The following TMEM70 variants were observed in gnomAD, a reference collection of about 807,000 sequenced individuals.
TMEM70 encodes the protein transmembrane protein 70, also known as transmembrane protein 70, mitochondrial.
A neutral mutation model predicts 20.5 loss-of-function variants in TMEM70; 15 were observed. The ratio of observed to expected loss-of-function variants is 0.73; its 90% CI spans 0.49 to 1.13. The LOEUF is 1.13. Ranked by LOEUF, TMEM70 falls within the 50% of genes most tolerant of loss-of-function variation. The probability of loss-of-function intolerance (pLI) is 0.00; values close to 1 mark genes in which losing one functional copy is unlikely to be tolerated. For synonymous variants in TMEM70, 141 were observed against 134.2 expected, an observed-to-expected ratio of 1.05 and a Z score of -0.35; for missense variants, 344 against 331.7, an observed-to-expected ratio of 1.04 and a Z score of -0.29.
At position 73,982,745 on chromosome 8, in the gene TMEM70, G is replaced by A. The variant is rs189568279; in HGVS notation, c.*1124G>A. 2 of 454,268 alleles carry A rather than the reference G, an allele frequency of 4.4e-6. No individual in the cohort carries two copies. The highest frequency in any genetic ancestry group is 1.6e-5 in the South Asian group (1 of 64,398). 28.1% of individuals were successfully genotyped at this position (454,268 alleles called of 1,614,324 possible). A position where few individuals can be genotyped will look rare whatever the true frequency, so the allele number is the denominator to read the frequency against. ...ACTCCTCCCTTGGTGGCACCCTATG[G>A]GTGTAGGAAAACCACTGTTATTAAA... On this transcript the variant is annotated 3_prime_UTR_variant, in exon 3 of 3. Transcript: ENST00000312184.
chr8:73,981,118 TA>T, intron 2 of TMEM70, 36 bp from the exon 3 acceptor site: 2 of 1,536,410 alleles, frequency 1.3e-6, no homozygotes, highest in African/African-American at 1.4e-5. Context: ...TTATAAAATT[TA>T]AAAGTATTGA....
chr8:73,976,620 C>A, intron 1 of TMEM70, 129 bp downstream of exon 1: 1 of 952,398 alleles, frequency 1.0e-6, no homozygotes, highest in South Asian at 1.8e-5. Context: ...GAGGAGCCCC[C>A]TCTGCGGGGC....
chr8:73,980,379 T>G (rs1815762761), intron 2 of TMEM70, among the ~76,000 whole-genome samples: 1 of 152,040 alleles, frequency 6.6e-6, no homozygotes, highest in Non-Finnish European at 1.5e-5. Flanking sequence ...TTTCTGTTTT[T>G]TTTTTTTGAG....
intron 2 of TMEM70, chr8:73,979,132 C>T (rs764498696): frequency 1.9e-6 from 1 of 535,844 alleles, no homozygotes; most frequent in South Asian, 1.5e-5. Context: ...CTCCCATGTT[C>T]AAGCGATTCT....
chr8:73,976,617 C>A, intron 1 of TMEM70, 126 bp downstream of exon 1: 1 of 1,005,394 alleles, frequency 9.9e-7, no homozygotes, highest in South Asian at 1.8e-5. Context: ...CGGGAGGAGC[C>A]CCCTCTGCGG....
In TMEM70 at chr8:73,982,692, G is replaced by C. The variant is rs1441573071; in HGVS notation, c.*1071G>C. On this transcript the variant is annotated 3_prime_UTR_variant, in exon 3 of 3. Coordinates refer to ENST00000312184, the MANE Select transcript of TMEM70 (RefSeq NM_017866.6). ...GAAATGGTAAGTAGTGTTGTCTTCA[G>C]TATCTTAATTTGTTTCTGCAACTGT... 4.4e-6 allele frequency: 2 copies of C among 458,282 alleles called. No homozygotes were observed. The highest frequency in any genetic ancestry group is 4.0e-5 in the African/African-American group (2 of 50,240). 28.4% of individuals were successfully genotyped at this position (458,282 alleles called of 1,614,324 possible).
rs1456922359 is a variant in TMEM70 at position 73,981,556 on chromosome 8, AAAG to A, written c.724_726del (p.Glu242del). Reference sequence around the variant, plus strand: ...CTATATCCATCTAATGGGTTATGACAAAGAAGAATTTATTTTGTATATGGAAGA... The same window carrying A: ...CTATATCCATCTAATGGGTTATGACAAAGAATTTATTTTGTATATGGAAGA... On this transcript the variant is annotated inframe_deletion, in exon 3 of 3. Transcript: ENST00000312184. The A allele has an allele frequency of 4.3e-6, 7 of 1,613,060 alleles. No homozygotes were observed. The South Asian group carries it at 5.5e-5, about 13-fold the overall frequency.
chr8:73,982,299 CTT>C lies in TMEM70; in HGVS notation c.*680_*681del. 1.6e-6 allele frequency: 1 copy of C among 634,876 alleles called. No homozygotes were observed. 39.3% of individuals were successfully genotyped at this position (634,876 alleles called of 1,614,324 possible). A position where few individuals can be genotyped will look rare whatever the true frequency, so the allele number is the denominator to read the frequency against. ...GGACCAGTTTGAATGCCTACCAAGACTTTGAGAATCACTACAAGAAAAACTTA... is the reference window on the plus strand; with the variant it reads ...GGACCAGTTTGAATGCCTACCAAGACTGAGAATCACTACAAGAAAAACTTA... On this transcript the variant is annotated 3_prime_UTR_variant, in exon 3 of 3. Coordinates refer to ENST00000312184, the MANE Select transcript of TMEM70 (RefSeq NM_017866.6).
At chr8:73,979,555 T>C (rs1175892924) in intron 2 of TMEM70, among the ~76,000 whole-genome samples, 1 of 152,184 alleles carries the variant, frequency 6.6e-6, no homozygotes, top group Non-Finnish European at 1.5e-5. Flanking sequence ...TAGATAAACA[T>C]AAAATTTTTC....
intron 1 of TMEM70, 113 bp downstream of exon 1, chr8:73,976,604 G>A: frequency 1.8e-6 from 2 of 1,124,192 alleles, no homozygotes; most frequent in South Asian, 1.7e-5. Flanking sequence ...CGTGGCTGGA[G>A]CGCGGGAGGA....
At chr8:73,980,210 C>A (rs985386515) in intron 2 of TMEM70, among the ~76,000 whole-genome samples, 1 of 152,054 alleles carries the variant, frequency 6.6e-6, no homozygotes, top group Non-Finnish European at 1.5e-5. Context: ...TGCCTCAGCA[C>A]CCCCAGTAGC....
chr8:73,976,229 G>C lies in TMEM70; in HGVS notation c.-53G>C, dbSNP rs150775418. The C allele has an allele frequency of 2.0e-6, 3 of 1,518,118 alleles. No homozygotes were observed. The highest frequency in any genetic ancestry group is 1.4e-5 in the African/African-American group (1 of 73,260). The allele number at this position is 1,518,118 out of a possible 1,614,324, so 94.0% of individuals were successfully genotyped here. On this transcript the variant is annotated 5_prime_UTR_variant, in exon 1 of 3. Transcript: ENST00000312184. ...GCAGTCGGGTGGGAAGCCGTGTCTCGCAGTCGTGGACTCGTGCAGCTGGGG... is the reference window on the plus strand; with the variant it reads ...GCAGTCGGGTGGGAAGCCGTGTCTCCCAGTCGTGGACTCGTGCAGCTGGGG...
At position 73,976,219 on chromosome 8, in the gene TMEM70, G is replaced by T; in HGVS notation, c.-63G>T. The T allele has an allele frequency of 6.8e-7, 1 of 1,472,022 alleles. No individual in the cohort carries two copies. The highest frequency in any genetic ancestry group is 9.3e-7 in the Non-Finnish European group (1 of 1,078,050). 91.2% of individuals were successfully genotyped at this position (1,472,022 alleles called of 1,614,324 possible). ...CACTTGTGCGGCAGTCGGGTGGGAA[G>T]CCGTGTCTCGCAGTCGTGGACTCGT... is the stretch of plus-strand genomic sequence containing the variant. On this transcript the variant is annotated 5_prime_UTR_variant, in exon 1 of 3. Coordinates refer to ENST00000312184, the MANE Select transcript of TMEM70 (RefSeq NM_017866.6).
intron 2 of TMEM70, among the ~76,000 whole-genome samples, chr8:73,980,565 A>G (rs1341975410): frequency 6.6e-6 from 1 of 151,578 alleles, no homozygotes; most frequent in African/African-American, 2.4e-5. Flanking sequence ...TGGGAGTTTC[A>G]CCATGTTGGC....
At chr8:73,980,335 C>A (rs1815760573) in intron 2 of TMEM70, among the ~76,000 whole-genome samples, 2 of 151,722 alleles carry the variant, frequency 1.3e-5, no homozygotes, top group African/African-American at 4.8e-5. Context: ...GAATGTCTTT[C>A]CTTACTAAAG....
At position 73,981,480 on chromosome 8, in the gene TMEM70, T is replaced by C. The variant is rs1815797333; in HGVS notation, c.642T>C (p.Ala214=). Reference sequence around the variant, plus strand: ...AACATGTATTTACCACATTTTATGCTAAAACAAAATCACTGTTAGTTAATC... The same window carrying C: ...AACATGTATTTACCACATTTTATGCCAAAACAAAATCACTGTTAGTTAATC... The part of the protein sequence containing the change: ...DAKHVFTTFY[A]KTKSLLVNPV... Residue 214 remains alanine, a synonymous_variant, in exon 3 of 3, where the codon GCT becomes GCC. Coordinates refer to ENST00000312184, the MANE Select transcript of TMEM70 (RefSeq NM_017866.6). 6.2e-7 allele frequency: 1 copy of C among 1,614,064 alleles called. No homozygotes were observed. The highest frequency in any genetic ancestry group is 1.7e-5 in the Admixed American group (1 of 60,014).
At position 73,982,054 on chromosome 8, in the gene TMEM70, A is replaced by C. The variant is rs770895298; in HGVS notation, c.*433A>C. The stretch of plus-strand genomic sequence containing the variant: ...TGTGGTCCACCTGCTCCTGCTCCTG[A>C]CTCACTGCTCTTTGCTGTTGCCTGA... On this transcript the variant is annotated 3_prime_UTR_variant, in exon 3 of 3. Transcript: ENST00000312184. 2.1e-6 allele frequency: 1 copy of C among 467,534 alleles called. No individual in the cohort carries two copies. Among genetic ancestry groups the C allele is most frequent in the Admixed American group, 2.3e-5 (1 of 43,096 alleles). The allele number at this position is 467,534 out of a possible 1,614,324, so 29.0% of individuals were successfully genotyped here.
At position 73,982,232 on chromosome 8, in the gene TMEM70, T is replaced by G. The variant is rs77116422; in HGVS notation, c.*611T>G. The G allele has an allele frequency of 0.023, 13,448 of 576,704 alleles. 246 individuals are homozygous for G. Among genetic ancestry groups the G allele is most frequent in the Non-Finnish European group, 0.032 (9,592 of 297,234 alleles). The allele number at this position is 576,704 out of a possible 1,614,324, so 35.7% of individuals were successfully genotyped here. The stretch of plus-strand genomic sequence containing the variant: ...ACGTAAAATCCCTGGATAAGGTGTG[T>G]GCTGACTTGATCTGAGGAGCAAAGG... On this transcript the variant is annotated 3_prime_UTR_variant, in exon 3 of 3. Coordinates refer to ENST00000312184, the MANE Select transcript of TMEM70 (RefSeq NM_017866.6).
At chr8:73,980,023 G>A (rs983125804) in intron 2 of TMEM70, among the ~76,000 whole-genome samples, 5 of 152,220 alleles carry the variant, frequency 3.3e-5, no homozygotes, top group African/African-American at 1.2e-4. Context: ...TCTGCTAGAA[G>A]TCATTTATTT....
Sources: allele counts gnomAD v4.1 joint callset (sites outside exome capture counted in the v4.1 genomes callset), GRCh38; gene constraint gnomAD v4.1.1; transcripts MANE v1.5; gene names NCBI Gene and HGNC (gene_info 2026-07-23, HGNC 2026-07-21).